The following PCDHA3 variants were observed in gnomAD, a reference collection of about 807,000 sequenced individuals.
PCDHA3 encodes protocadherin alpha 3.
PCDHA3 carries 41 observed loss-of-function variants against 62.2 expected under a neutral mutation model. The observed-to-expected ratio is 0.66, with a 90% CI of 0.51 to 0.86. The LOEUF is 0.86. PCDHA3 is among the 40% of genes least tolerant of loss of function. The pLI is 0.00. For synonymous variants in PCDHA3, 640 were observed against 555.4 expected (o/e 1.15, Z -2.14); for missense variants, 1,304 against 1,241.2 (o/e 1.05, Z -0.76).
chr5:140,829,861 G>T lies in PCDHA3; in HGVS notation c.2394+26270G>T, dbSNP rs200510937. 1.7e-5 allele frequency: 27 copies of T among 1,613,838 alleles called. No individual in the cohort carries two copies. The East Asian group carries it at 5.6e-4, about 33-fold the overall frequency. ...CGCGGTCACTGGGTGCAGGCCAAGT[G>T]GTGGCGAAGGTGCGCGCAGTTGACG... On this transcript the variant is annotated intron_variant, in intron 1 of 3. Transcript: ENST00000522353.
intron 1 of PCDHA3, chr5:140,859,530 T>G (rs535138857): frequency 5.6e-4 from 108 of 191,500 alleles, no homozygotes; most frequent in Non-Finnish European, 9.8e-4. Context: ...TAAAAAAAAT[T>G]TATTAATTCT....
chr5:140,876,979 G>A (rs1554169178), intron 1 of PCDHA3: 2 of 1,612,614 alleles, frequency 1.2e-6, no homozygotes, highest in South Asian at 2.2e-5. Flanking sequence ...GGGCGAGCAC[G>A]CACTGTCGAG....
At chr5:140,930,416 T>C (rs1554207810) in intron 1 of PCDHA3, 1 of 151,928 alleles carries the variant, frequency 6.6e-6, no homozygotes, top group East Asian at 1.9e-4. Flanking sequence ...GAGACAGGGG[T>C]CTCACTATGT....
rs1762895726 is a variant in PCDHA3, at chr5:140,802,359, T to G, written c.1162T>G (p.Ser388Ala). The change falls in exon 1 of 4, where the codon TCG (serine) becomes GCG (alanine). Residue 388 changes from serine to alanine, a missense_variant. Ser to Ala is a moderately conservative substitution (Grantham distance 99). Transcript: ENST00000522353. ...DSGVNGQVTC[S>A]LTPHVPFKLV... ...AGGAGTCAATGGACAGGTCACCTGC[T>G]CGCTGACGCCCCACGTCCCCTTCAA... 6.2e-7 allele frequency: 1 copy of G among 1,614,154 alleles called. No individual in the cohort carries two copies. Among genetic ancestry groups the G allele is most frequent in the African/African-American group, 1.3e-5 (1 of 74,950 alleles).
intron 1 of PCDHA3, chr5:140,856,371 T>G: frequency 6.3e-7 from 1 of 1,598,432 alleles, no homozygotes; most frequent in South Asian, 1.1e-5. Flanking sequence ...CTGGAGGTGA[T>G]CGTGGACAGG....
At chr5:140,858,604 AT>A (rs2045515312) in intron 1 of PCDHA3, 6 of 1,276,538 alleles carry the variant, frequency 4.7e-6, no homozygotes, top group Non-Finnish European at 6.4e-6. Flanking sequence ...GAGTTTTAAA[AT>A]TTTTTTATCC....
intron 1 of PCDHA3, chr5:140,815,048 T>C (rs1381946035): frequency 9.9e-5 from 15 of 152,202 alleles, no homozygotes; most frequent in African/African-American, 3.6e-4. Flanking sequence ...ATTTTTTTAA[T>C]ATCCTTTAAC....
intron 1 of PCDHA3, among the ~76,000 whole-genome samples, chr5:140,875,095 G>A (rs2055270565): frequency 6.6e-6 from 1 of 152,156 alleles, no homozygotes; most frequent in Non-Finnish European, 1.5e-5. Context: ...AATTGTTGAT[G>A]TTTTGTTACT....
chr5:140,882,565 C>A (rs782122682), intron 1 of PCDHA3: 9 of 1,614,118 alleles, frequency 5.6e-6, no homozygotes, highest in African/African-American at 2.7e-5. Flanking sequence ...GTGGGCGGAG[C>A]GCGGAGTGCA....
intron 1 of PCDHA3, among the ~76,000 whole-genome samples, chr5:140,889,253 G>A (rs1272394693): frequency 6.6e-6 from 1 of 151,724 alleles, no homozygotes; most frequent in Non-Finnish European, 1.5e-5. Flanking sequence ...TCTGTTTCCT[G>A]TAAAAGTTTG....
intron 1 of PCDHA3, chr5:140,881,257 C>T (rs2058639669): frequency 2.0e-6 from 1 of 512,572 alleles, no homozygotes; most frequent in Non-Finnish European, 2.5e-6. Context: ...CAAGGTTTTA[C>T]TCAGTGATGA....
intron 1 of PCDHA3, chr5:140,870,911 A>C (rs782609021): frequency 6.2e-7 from 1 of 1,613,910 alleles, no homozygotes; most frequent in Non-Finnish European, 8.5e-7. Context: ...TCAGGCTACA[A>C]CGCGTGGCTT....
intron 1 of PCDHA3, among the ~76,000 whole-genome samples, chr5:140,845,293 T>A (rs1779796501): frequency 6.7e-6 from 1 of 149,672 alleles, no homozygotes; most frequent in African/African-American, 2.4e-5. Flanking sequence ...CTATCCTGTC[T>A]ATGTCTACCT....
At chr5:140,838,075 ATAGTGT>A (rs1332388454) in intron 1 of PCDHA3, among the ~76,000 whole-genome samples, 13,757 of 126,792 alleles carry the variant, frequency 0.11, 706 homozygotes, top group East Asian at 0.24. Context: ...TTATATATAT[ATAGTGT>A]GTGTGTGTGT....
chr5:140,808,252 A>G, intron 1 of PCDHA3: 1 of 1,614,232 alleles, frequency 6.2e-7, no homozygotes, highest in South Asian at 1.1e-5. Flanking sequence ...TCAAGTCTTT[A>G]TCACTTCCAA....
intron 1 of PCDHA3, among the ~76,000 whole-genome samples, chr5:140,898,530 T>A (rs1256781089): frequency 6.6e-6 from 1 of 152,228 alleles, no homozygotes; most frequent in African/African-American, 2.4e-5. Flanking sequence ...GAGGGCTCTG[T>A]TCTGTTCCAT....
chr5:140,836,376 G>A, intron 1 of PCDHA3: 3 of 1,613,760 alleles, frequency 1.9e-6, no homozygotes, highest in South Asian at 1.1e-5. Context: ...CACAGCCACC[G>A]TGCTGGTGTC....
At chr5:140,870,890 T>A in intron 1 of PCDHA3, 2 of 1,613,954 alleles carry the variant, frequency 1.2e-6, no homozygotes, top group East Asian at 4.5e-5. Flanking sequence ...GTGCGCGCAG[T>A]GGATGCGGAC....
At chr5:140,807,682 C>G (rs782331104) in intron 1 of PCDHA3, 5 of 1,614,224 alleles carry the variant, frequency 3.1e-6, no homozygotes, top group Non-Finnish European at 4.2e-6. Flanking sequence ...TCGGGGAGAA[C>G]GCCCTGCTCA....
Sources: gnomAD v4.1 joint callset for allele counts (sites outside exome capture counted in the v4.1 genomes callset) on GRCh38, gnomAD v4.1.1 for gene constraint, MANE v1.5 for transcripts, NCBI Gene and HGNC (gene_info 2026-07-23, HGNC 2026-07-21) for gene names.